The following AFF1 variants were observed in gnomAD, a reference collection of about 807,000 sequenced individuals.
The protein encoded by AFF1 is ALF transcription elongation factor 1, also known as AF4/FMR2 family member 1.
In AFF1, 48 loss-of-function variants were observed where a neutral mutation model predicts 121.7. The ratio of observed to expected loss-of-function variants is 0.39; its 90% CI spans 0.31 to 0.50. The LOEUF (loss-of-function observed/expected upper bound fraction) is 0.50, where lower values mean the gene tolerates loss of function less well. Among genes scored for constraint, AFF1 ranks in the 20% least tolerant of loss-of-function variants. The pLI is 0.76. For missense variants in AFF1, 1,523 were observed against 1,511.7 expected (o/e 1.01, Z -0.12); for synonymous variants, 613 against 563.0 (o/e 1.09, Z -1.26).
intron 2 of AFF1, among the ~76,000 whole-genome samples, chr4:86,949,241 C>T (rs910067951): frequency 4.7e-5 from 7 of 148,198 alleles, no homozygotes; most frequent in Admixed American, 2.7e-4. Flanking sequence ...GTGGTGTGAC[C>T]TCAGTTCACT....
At chr4:87,067,695 A>G (rs1721503708) in intron 4 of AFF1, among the ~76,000 whole-genome samples, 1 of 152,186 alleles carries the variant, frequency 6.6e-6, no homozygotes, top group Non-Finnish European at 1.5e-5. Context: ...AGGTCAGCTT[A>G]CCCTTTGTAG....
intron 2 of AFF1, among the ~76,000 whole-genome samples, chr4:86,999,052 G>C (rs538547419): frequency 6.6e-6 from 1 of 152,282 alleles, no homozygotes; most frequent in South Asian, 2.1e-4. Flanking sequence ...CATTTCTCAG[G>C]CTGTCTCTTT....
At chr4:87,027,062 C>T (rs889371703) in intron 2 of AFF1, among the ~76,000 whole-genome samples, 1 of 152,194 alleles carries the variant, frequency 6.6e-6, no homozygotes, top group Non-Finnish European at 1.5e-5. Context: ...ACTTTACAAA[C>T]AGCCTAATTC....
chr4:87,074,325 C>T (rs1479420872), intron 4 of AFF1, among the ~76,000 whole-genome samples: 8 of 152,040 alleles, frequency 5.3e-5, no homozygotes, highest in Admixed American at 5.2e-4. Flanking sequence ...AAAATCAGTG[C>T]CTTTTAACCA....
chr4:87,065,970 A>C (rs1046536428), intron 4 of AFF1, among the ~76,000 whole-genome samples: 1 of 152,220 alleles, frequency 6.6e-6, no homozygotes, highest in African/African-American at 2.4e-5. Context: ...CTATGCCAGC[A>C]GGTTATTAGA....
At chr4:87,110,333 T>A (rs1726339267) in intron 11 of AFF1, among the ~76,000 whole-genome samples, 1 of 152,204 alleles carries the variant, frequency 6.6e-6, no homozygotes, top group Admixed American at 6.5e-5. Flanking sequence ...ATTCTTTGTA[T>A]TACAAACAAT....
intron 4 of AFF1, among the ~76,000 whole-genome samples, chr4:87,081,714 C>T (rs1462882945): frequency 6.6e-6 from 1 of 152,152 alleles, no homozygotes; most frequent in African/African-American, 2.4e-5. Context: ...CTTTGAAACA[C>T]CTTCACTCCC....
intron 10 of AFF1, among the ~76,000 whole-genome samples, chr4:87,107,707 T>G (rs1473820963): frequency 6.6e-6 from 1 of 152,222 alleles, no homozygotes; most frequent in African/African-American, 2.4e-5. Flanking sequence ...AGTAAATATT[T>G]TAGGCTTTGT....
At position 87,127,780 on chromosome 4, in the gene AFF1, T is replaced by C. The variant is rs572910317; in HGVS notation, c.2964+77T>C. ...AAATTTTTGGTAGTCTCCATTCTGC[T>C]GTATTCCATATCACTCAGCGTATGT... On this transcript the variant is annotated intron_variant, in intron 16 of 20. Transcript: ENST00000395146. 7 of 1,416,278 alleles carry C rather than the reference T, an allele frequency of 4.9e-6. No individual in the cohort carries two copies. In the Admixed American group the frequency reaches 6.9e-5, roughly 14 times the overall value. The allele number at this position is 1,416,278 out of a possible 1,614,324, so 87.7% of individuals were successfully genotyped here.
intron 4 of AFF1, among the ~76,000 whole-genome samples, chr4:87,076,504 G>C (rs980807281): frequency 2.1e-4 from 32 of 152,298 alleles, no homozygotes; most frequent in African/African-American, 7.5e-4. Flanking sequence ...ATGAAGTGTA[G>C]CTAATAATTC....
intron 2 of AFF1, among the ~76,000 whole-genome samples, chr4:87,019,778 T>G (rs1578075777): frequency 6.6e-6 from 1 of 151,972 alleles, no homozygotes; most frequent in East Asian, 1.9e-4. Context: ...TTCCTTGAGT[T>G]CTGTGAGCCA....
At chr4:86,990,311 T>C (rs1012850144) in intron 2 of AFF1, among the ~76,000 whole-genome samples, 3 of 139,238 alleles carry the variant, frequency 2.2e-5, no homozygotes, top group African/African-American at 8.8e-5. Context: ...AGTGAGACCT[T>C]GTCCCTATTT....
chr4:87,119,696 G>A (rs1293354362), intron 12 of AFF1, among the ~76,000 whole-genome samples: 1 of 152,212 alleles, frequency 6.6e-6, no homozygotes, highest in Non-Finnish European at 1.5e-5. Context: ...TTCAAATGAA[G>A]GATAGTCTGT....
intron 2 of AFF1, among the ~76,000 whole-genome samples, chr4:86,983,962 G>A (rs1432963751): frequency 6.7e-6 from 1 of 149,230 alleles, no homozygotes; most frequent in African/African-American, 2.5e-5. Context: ...GTGTGAACCC[G>A]GGAGGTGGAG....
intron 10 of AFF1, among the ~76,000 whole-genome samples, chr4:87,107,810 C>T (rs915085007): frequency 1.3e-5 from 2 of 152,170 alleles, no homozygotes; most frequent in African/African-American, 4.8e-5. Flanking sequence ...TGGGTGTCTT[C>T]CAATAAGACT....
chr4:87,134,205 A>C (rs1208172855), intron 19 of AFF1, among the ~76,000 whole-genome samples: 26 of 152,234 alleles, frequency 1.7e-4, no homozygotes, highest in African/African-American at 6.0e-4. Context: ...TGCATACATT[A>C]CATACATAGA....
chr4:87,014,937 A>G (rs376722210), intron 2 of AFF1, among the ~76,000 whole-genome samples: 5 of 152,352 alleles, frequency 3.3e-5, no homozygotes, highest in African/African-American at 9.6e-5. Context: ...TTTTGTCTCA[A>G]TTGACAAACT....
chr4:87,112,360 A>G (rs902591816), intron 11 of AFF1, among the ~76,000 whole-genome samples: 2 of 152,204 alleles, frequency 1.3e-5, no homozygotes, highest in African/African-American at 2.4e-5. Flanking sequence ...AGATGACAGC[A>G]TGAGTATACA....
chr4:87,022,543 GATATATATATATATATATATATATAT>G lies in AFF1; in HGVS notation c.39-23608_39-23583del, dbSNP rs1156817444. 1.3e-3 allele frequency among the ~76,000 whole-genome samples: 106 copies of G among 80,186 alleles called. 4 individuals carry two copies. The highest frequency in any genetic ancestry group is 4.1e-3 in the African/African-American group (97 of 23,878). 52.6% of individuals were successfully genotyped at this position (80,186 alleles called of 152,430 possible). On this transcript the variant is annotated intron_variant, in intron 2 of 20. Transcript: ENST00000395146. ...ACGATGTTTTCTTCCCGTGCTTACA[GATATATATATATATATATATATATAT>G]ATATATATATATATCTATCTATATC... is the stretch of plus-strand genomic sequence containing the variant.
Sources: allele counts gnomAD v4.1 joint callset (sites outside exome capture counted in the v4.1 genomes callset), GRCh38; gene constraint gnomAD v4.1.1; transcripts MANE v1.5; gene names NCBI Gene and HGNC (gene_info 2026-07-23, HGNC 2026-07-21).